The following WASF1 variants were observed in gnomAD, a reference collection of about 807,000 sequenced individuals.
WASF1 encodes the protein WASP family member 1.
WASF1 carries 7 observed loss-of-function variants against 50.5 expected under a neutral mutation model. The ratio of observed to expected loss-of-function variants is 0.14; its 90% CI spans 0.08 to 0.26. The LOEUF is 0.26. Ranked by LOEUF, WASF1 falls within the 10% of genes least tolerant of loss-of-function variation. WASF1 has a pLI of 1.00. For missense variants in WASF1, 470 were observed against 694.7 expected, an observed-to-expected ratio of 0.68 and a Z score of 3.64; for synonymous variants, 205 against 244.0, an observed-to-expected ratio of 0.84 and a Z score of 1.49.
At chr6:110,109,183 A>G (rs568072908) in intron 5 of WASF1, among the ~76,000 whole-genome samples, 1 of 152,290 alleles carries the variant, frequency 6.6e-6, no homozygotes, top group South Asian at 2.1e-4. Context: ...GTTAAAACAA[A>G]CTTTACTGTA....
chr6:110,107,054 A>G, intron 7 of WASF1, 23 bp downstream of exon 7: 1 of 1,531,630 alleles, frequency 6.5e-7, no homozygotes, highest in African/African-American at 1.4e-5. Context: ...AATTAACCTC[A>G]ATTTTTTAAT....
intron 3 of WASF1, among the ~76,000 whole-genome samples, chr6:110,142,833 C>A (rs902055434): frequency 9.3e-5 from 14 of 150,506 alleles, no homozygotes; most frequent in African/African-American, 2.9e-4. Flanking sequence ...TAAGGGGGAA[C>A]TTTTTTATTA....
At chr6:110,153,273 A>G (rs1775904532) in intron 3 of WASF1, among the ~76,000 whole-genome samples, 1 of 152,182 alleles carries the variant, frequency 6.6e-6, no homozygotes, top group Admixed American at 6.5e-5. Flanking sequence ...CCACCAACAG[A>G]GTTCTAGGTG....
At chr6:110,135,915 G>A (rs188260611) in intron 3 of WASF1, among the ~76,000 whole-genome samples, 9 of 117,532 alleles carry the variant, frequency 7.7e-5, no homozygotes, top group African/African-American at 2.7e-4. Flanking sequence ...ATGGAGTCTC[G>A]CTCTGTCGCC....
rs1365386187 is a variant in WASF1, at chr6:110,113,542, CA to C, written c.134-83del. 1.1e-5 allele frequency: 14 copies of C among 1,274,382 alleles called. No homozygotes were observed. In the Admixed American group the frequency reaches 3.6e-4, roughly 33 times the overall value. 78.9% of individuals were successfully genotyped at this position (1,274,382 alleles called of 1,614,324 possible). The stretch of plus-strand genomic sequence containing the variant: ...ATCTTTGCAAGCAGTAGAAATCTAG[CA>C]TGATATTTGCCCTCAGATACTTTGT... On this transcript the variant is annotated intron_variant, in intron 4 of 10. Transcript: ENST00000392589.
intron 3 of WASF1, among the ~76,000 whole-genome samples, chr6:110,135,747 ACC>A (rs1774924390): frequency 2.0e-4 from 12 of 60,834 alleles, no homozygotes; most frequent in Admixed American, 4.9e-4. Flanking sequence ...TTTTTTTTTT[ACC>A]AATTACTGGA....
chr6:110,161,872 C>T (rs1458457166), intron 2 of WASF1, among the ~76,000 whole-genome samples: 1 of 151,392 alleles, frequency 6.6e-6, no homozygotes, highest in African/African-American at 2.4e-5. Context: ...AACCTAATCC[C>T]TATAGAAAGT....
chr6:110,147,409 G>A (rs1392095256), intron 3 of WASF1, among the ~76,000 whole-genome samples: 2 of 151,630 alleles, frequency 1.3e-5, no homozygotes, highest in Non-Finnish European at 2.9e-5. Context: ...ATTTTGATAG[G>A]CTACTAAAGT....
At chr6:110,130,992 G>T (rs965419002) in intron 3 of WASF1, among the ~76,000 whole-genome samples, 2 of 152,046 alleles carry the variant, frequency 1.3e-5, no homozygotes, top group African/African-American at 2.4e-5. Context: ...TTTCTCTTGG[G>T]AAGTGCCTGT....
intron 3 of WASF1, among the ~76,000 whole-genome samples, chr6:110,146,264 T>A (rs1775556242): frequency 6.6e-6 from 1 of 152,188 alleles, no homozygotes; most frequent in South Asian, 2.1e-4. Flanking sequence ...ATATTTCAAA[T>A]ATGTTAAGAA....
chr6:110,170,082 C>T (rs896761845), intron 2 of WASF1, among the ~76,000 whole-genome samples: 17 of 151,982 alleles, frequency 1.1e-4, no homozygotes, highest in African/African-American at 4.1e-4. Flanking sequence ...GGTAATCATA[C>T]AAAAAGAGAG....
intron 3 of WASF1, among the ~76,000 whole-genome samples, chr6:110,153,948 A>AC (rs1034561261): frequency 2.0e-5 from 3 of 152,282 alleles, no homozygotes; most frequent in African/African-American, 7.2e-5. Context: ...TTTAAATGTG[A>AC]CAATAACATA....
chr6:110,152,081 G>A (rs1456235879), intron 3 of WASF1, among the ~76,000 whole-genome samples: 1 of 152,164 alleles, frequency 6.6e-6, no homozygotes, highest in Non-Finnish European at 1.5e-5. Context: ...GTTAAGAGAG[G>A]TTTTAAAGAT....
chr6:110,176,822 C>T (rs1420103779), intron 2 of WASF1, among the ~76,000 whole-genome samples: 21 of 152,088 alleles, frequency 1.4e-4, no homozygotes, highest in Non-Finnish European at 1.5e-5. Flanking sequence ...CATTATAAAA[C>T]AAATTCTCAA....
At chr6:110,176,144 A>G (rs2114632189) in intron 2 of WASF1, among the ~76,000 whole-genome samples, 1 of 152,152 alleles carries the variant, frequency 6.6e-6, no homozygotes, top group East Asian at 1.9e-4. Context: ...TATAAGCTGA[A>G]TGTGATAAAC....
At chr6:110,153,365 T>C (rs534269856) in intron 3 of WASF1, among the ~76,000 whole-genome samples, 1 of 152,294 alleles carries the variant, frequency 6.6e-6, no homozygotes, top group African/African-American at 2.4e-5. Context: ...TTTGACCTTA[T>C]GGCAGATAAA....
At chr6:110,135,032 T>C (rs1774882406) in intron 3 of WASF1, among the ~76,000 whole-genome samples, 1 of 152,228 alleles carries the variant, frequency 6.6e-6, no homozygotes, top group Non-Finnish European at 1.5e-5. Flanking sequence ...TTGTGTTTTC[T>C]ATAATTTCTT....
At chr6:110,170,306 T>C (rs1196179416) in intron 2 of WASF1, among the ~76,000 whole-genome samples, 1 of 152,078 alleles carries the variant, frequency 6.6e-6, no homozygotes, top group Non-Finnish European at 1.5e-5. Flanking sequence ...CACTGCAAAC[T>C]CCGCCTCCCA....
At chr6:110,103,243 T>C in intron 9 of WASF1, 135 bp downstream of exon 9, 2 of 857,948 alleles carry the variant, frequency 2.3e-6, no homozygotes, top group Non-Finnish European at 1.8e-6. Context: ...GTGGCTTTCA[T>C]GCAACAATGG....
Sources: allele counts gnomAD v4.1 joint callset (sites outside exome capture counted in the v4.1 genomes callset), GRCh38; gene constraint gnomAD v4.1.1; transcripts MANE v1.5; gene names NCBI Gene and HGNC (gene_info 2026-07-23, HGNC 2026-07-21).